The following EEA1 variants were observed in gnomAD, a reference collection of about 807,000 sequenced individuals.
EEA1 encodes early endosome antigen 1.
A neutral mutation model predicts 209.2 loss-of-function variants in EEA1; 111 were observed. That is an observed-to-expected ratio of 0.53 (90% CI 0.45 to 0.62). The LOEUF (loss-of-function observed/expected upper bound fraction) is 0.62, where lower values mean the gene tolerates loss of function less well. EEA1 is among the 20% of genes least tolerant of loss of function. The pLI is 0.00. For synonymous variants in EEA1, 536 were observed against 540.6 expected, an observed-to-expected ratio of 0.99 and a Z score of 0.12; for missense variants, 1,343 against 1,530.8, an observed-to-expected ratio of 0.88 and a Z score of 2.05.
chr12:92,891,816 A>G (rs1231932011), intron 1 of EEA1, 95 bp from the exon 2 acceptor site: 1 of 801,496 alleles, frequency 1.2e-6, no homozygotes, highest in African/African-American at 1.7e-5. Flanking sequence ...TCACATAAGA[A>G]AAGTAGATGT....
chr12:92,855,513 C>T (rs940686380), intron 5 of EEA1, among the ~76,000 whole-genome samples: 2 of 145,776 alleles, frequency 1.4e-5, no homozygotes, highest in Non-Finnish European at 3.0e-5. Context: ...TAATTCAGGA[C>T]AAGTCAACTT....
chr12:92,903,416 G>A (rs1880236753), intron 1 of EEA1, among the ~76,000 whole-genome samples: 1 of 151,600 alleles, frequency 6.6e-6, no homozygotes, highest in African/African-American at 2.4e-5. Context: ...TGACCAACAA[G>A]GAGAAACCCC....
rs539546501 is a variant in EEA1, at chr12:92,789,124, T to A, written c.2968-1075A>T. Among the ~76,000 whole-genome samples, 4 of 151,858 alleles carry A rather than the reference T, an allele frequency of 2.6e-5. No individual in the cohort carries two copies. In the East Asian group the frequency reaches 7.8e-4, roughly 29 times the overall value. On this transcript the variant is annotated intron_variant, in intron 21 of 28. Transcript: ENST00000322349. ...GACCAACATGGTGAAACCCCGCCTCTACTAAAAATACAAAAATTAGCTGGG... is the reference window on the plus strand; with the variant it reads ...GACCAACATGGTGAAACCCCGCCTCAACTAAAAATACAAAAATTAGCTGGG...
chr12:92,818,447 G>A (rs1875895118), intron 14 of EEA1, among the ~76,000 whole-genome samples: 2 of 152,000 alleles, frequency 1.3e-5, no homozygotes, highest in African/African-American at 4.8e-5. Flanking sequence ...GGGCTAAATA[G>A]GTATTAACTA....
At position 92,857,427 on chromosome 12, in the gene EEA1, T is replaced by C. The variant is rs1877929335; in HGVS notation, c.300+4A>G. ...TAAAAAGGTATAACAATTTTTATTCTTACCTTAAGTGAAGCCTGTAGGTCT... is the reference window on the plus strand; with the variant it reads ...TAAAAAGGTATAACAATTTTTATTCCTACCTTAAGTGAAGCCTGTAGGTCT... On this transcript the variant is annotated splice_donor_region_variant and intron_variant, in intron 4 of 28. Coordinates refer to ENST00000322349, the MANE Select transcript of EEA1 (RefSeq NM_003566.4). The C allele has an allele frequency of 6.3e-7, 1 of 1,593,312 alleles. No homozygotes were observed. Among genetic ancestry groups the C allele is most frequent in the Admixed American group, 1.8e-5 (1 of 56,532 alleles).
chr12:92,885,713 G>A (rs1879352335), intron 2 of EEA1, among the ~76,000 whole-genome samples: 1 of 152,106 alleles, frequency 6.6e-6, no homozygotes, highest in South Asian at 2.1e-4. Flanking sequence ...TTTCATCCTT[G>A]TTGTCTCTGA....
chr12:92,848,360 A>T (rs1256791986), intron 9 of EEA1, among the ~76,000 whole-genome samples: 1 of 152,086 alleles, frequency 6.6e-6, no homozygotes, highest in Non-Finnish European at 1.5e-5. Context: ...GGTGACTCAC[A>T]TCTTTAATAC....
chr12:92,926,590 T>C (rs1349872042), intron 1 of EEA1, among the ~76,000 whole-genome samples: 1 of 152,202 alleles, frequency 6.6e-6, no homozygotes, highest in Non-Finnish European at 1.5e-5. Flanking sequence ...AACTACAAGA[T>C]AAAAGCTGAA....
At chr12:92,781,718 T>C (rs1456414974) in intron 23 of EEA1, among the ~76,000 whole-genome samples, 3 of 46,636 alleles carry the variant, frequency 6.4e-5, no homozygotes, top group African/African-American at 1.8e-4. Context: ...ATTGACTTGT[T>C]TGTAAAACTA....
At position 92,773,897 on chromosome 12, in the gene EEA1, C is replaced by T. The variant is rs1238798061; in HGVS notation, c.*2114G>A. 3 of 150,802 alleles carry T rather than the reference C, an allele frequency of 2.0e-5. No homozygotes were observed. Among genetic ancestry groups the T allele is most frequent in the African/African-American group, 7.3e-5 (3 of 41,108 alleles). 9.3% of individuals were successfully genotyped at this position (150,802 alleles called of 1,614,324 possible). On this transcript the variant is annotated 3_prime_UTR_variant, in exon 29 of 29. Transcript: ENST00000322349. ...ATTAGATAAAAATGAGAAAATCATT[C>T]AAACACCTATATATGGTTACTTGTT...
chr12:92,848,722 CTTTTTTTTTTTTTTTTT>C (rs71069184), intron 9 of EEA1, among the ~76,000 whole-genome samples: 1 of 64,548 alleles, frequency 1.5e-5, no homozygotes, highest in African/African-American at 6.1e-5. Context: ...ATATTCTCAC[CTTTTTTTTTTTTTTTTT>C]TTTTTTTTTT....
In EEA1 at chr12:92,853,941, T is replaced by C; in HGVS notation, c.380A>G (p.Asp127Gly). 1 of 1,596,516 alleles carries C rather than the reference T, an allele frequency of 6.3e-7. No individual in the cohort carries two copies. Among genetic ancestry groups the C allele is most frequent in the South Asian group, 1.1e-5 (1 of 87,672 alleles). Residue 127 changes from aspartate (D) to glycine (G), a missense_variant, in exon 6 of 29, where the codon GAT (aspartate) becomes GGT (glycine). By Grantham distance (94) the Asp-to-Gly change is moderately conservative. Around this residue, in one of 3 missense-constraint regions of EEA1, gnomAD observed 1,307 missense variants for 1,465.5 expected, o/e 0.89. Coordinates refer to ENST00000322349, the MANE Select transcript of EEA1 (RefSeq NM_003566.4). ...QGLQQQEAKPDGLVTDSSAEL... is the reference protein window; with the variant it reads ...QGLQQQEAKPGGLVTDSSAEL... ...TGCTGATGAATCAGTCACCAACCCATCAGGTTTGGCCTCCTCAATTAAAAC... is the reference window on the plus strand; with the variant it reads ...TGCTGATGAATCAGTCACCAACCCACCAGGTTTGGCCTCCTCAATTAAAAC...
chr12:92,901,571 GTT>G (rs976641481), intron 1 of EEA1, among the ~76,000 whole-genome samples: 1 of 143,014 alleles, frequency 7.0e-6, no homozygotes. Context: ...AGAACTTCTT[GTT>G]TTTTTTTTTT....
At chr12:92,923,027 T>C (rs1266186358) in intron 1 of EEA1, among the ~76,000 whole-genome samples, 5 of 144,158 alleles carry the variant, frequency 3.5e-5, no homozygotes, top group African/African-American at 1.0e-4. Context: ...TTTTGGAGGG[T>C]TTTTCCTTAT....
chr12:92,884,616 G>T, intron 2 of EEA1: 1 of 1,393,770 alleles, frequency 7.2e-7, no homozygotes, highest in Non-Finnish European at 1.0e-6. Context: ...TATGGTGGTG[G>T]AGGCCAATAC....
intron 14 of EEA1, among the ~76,000 whole-genome samples, chr12:92,816,787 C>CT (rs1875808464): frequency 6.8e-6 from 1 of 146,928 alleles, no homozygotes; most frequent in African/African-American, 2.7e-5. Flanking sequence ...CATCCCATCT[C>CT]TAACTCCAGC....
intron 19 of EEA1, 29 bp downstream of exon 19, chr12:92,802,375 A>G (rs1422320512): frequency 6.6e-7 from 1 of 1,521,256 alleles, no homozygotes. Context: ...AATCACTTCT[A>G]CCTAAGAAAG....
intron 14 of EEA1, 67 bp from the exon 15 acceptor site, chr12:92,816,467 T>TA (rs1276984620): frequency 1.4e-6 from 2 of 1,445,812 alleles, no homozygotes; most frequent in African/African-American, 2.8e-5. Context: ...AAACCTAAAT[T>TA]TAAGAACCAT....
chr12:92,891,992 T>C (rs1267097920), intron 1 of EEA1, among the ~76,000 whole-genome samples: 1 of 152,204 alleles, frequency 6.6e-6, no homozygotes, highest in South Asian at 2.1e-4. Context: ...TCATATTTAA[T>C]CAAAATGACA....
Sources: allele counts gnomAD v4.1 joint callset (sites outside exome capture counted in the v4.1 genomes callset), GRCh38; gene constraint gnomAD v4.1.1; regional missense constraint gnomAD v4.1.1; transcripts MANE v1.5; gene names NCBI Gene and HGNC (gene_info 2026-07-23, HGNC 2026-07-21).